The following SORCS1 variants were observed in gnomAD, a reference collection of about 807,000 sequenced individuals.
SORCS1 encodes sortilin related VPS10 domain containing receptor 1, also known as VPS10 domain-containing receptor SorCS1.
SORCS1 carries 60 observed loss-of-function variants against 146.1 expected under a neutral mutation model. The ratio of observed to expected loss-of-function variants is 0.41; its 90% confidence interval spans 0.33 to 0.51. SORCS1 has a LOEUF of 0.51. SORCS1 is among the 20% of genes least tolerant of loss of function. The pLI, the probability that SORCS1 is intolerant of heterozygous loss-of-function variation, is 0.21. For missense variants in SORCS1, 1,352 were observed against 1,487.6 expected (o/e 0.91, Z 1.50); for synonymous variants, 637 against 584.0 (o/e 1.09, Z -1.31).
At chr10:106,854,192 A>T (rs571112976) in intron 2 of SORCS1, among the ~76,000 whole-genome samples, 1 of 152,126 alleles carries the variant, frequency 6.6e-6, no homozygotes, top group East Asian at 1.9e-4. Context: ...CCCCTTTATC[A>T]TTATGTAATG....
At chr10:106,738,007 G>A (rs573551935) in intron 5 of SORCS1, among the ~76,000 whole-genome samples, 2 of 152,008 alleles carry the variant, frequency 1.3e-5, no homozygotes, top group Non-Finnish European at 2.9e-5. Context: ...AAAAATTAAT[G>A]AGATAAATCT....
intron 24 of SORCS1, among the ~76,000 whole-genome samples, chr10:106,582,748 T>C (rs1844996929): frequency 6.6e-6 from 1 of 152,222 alleles, no homozygotes; most frequent in African/African-American, 2.4e-5. Flanking sequence ...GTACTCCAAG[T>C]GACTCAACAT....
chr10:106,632,032 C>T (rs1442996970), intron 18 of SORCS1, among the ~76,000 whole-genome samples: 1 of 152,132 alleles, frequency 6.6e-6, no homozygotes, highest in Non-Finnish European at 1.5e-5. Flanking sequence ...GTTTCCATTT[C>T]AGAGTCAGGT....
intron 1 of SORCS1, among the ~76,000 whole-genome samples, chr10:107,129,183 A>C (rs1966844966): frequency 6.6e-6 from 1 of 152,234 alleles, no homozygotes; most frequent in African/African-American, 2.4e-5. Context: ...CATGCATGAT[A>C]ATAGCTGTCT....
chr10:107,019,321 C>T (rs1203810188), intron 1 of SORCS1, among the ~76,000 whole-genome samples: 2 of 152,164 alleles, frequency 1.3e-5, no homozygotes, highest in Non-Finnish European at 2.9e-5. Flanking sequence ...CTGATGACAA[C>T]AGCTGAGTAA....
chr10:106,844,533 T>C (rs1949221594), intron 2 of SORCS1, among the ~76,000 whole-genome samples: 1 of 151,946 alleles, frequency 6.6e-6, no homozygotes, highest in Non-Finnish European at 1.5e-5. Flanking sequence ...CAGGTGAATG[T>C]CCAGTTTCTC....
chr10:107,175,770 T>C, the SORCS1 span, among the ~76,000 whole-genome samples: 1 of 152,188 alleles, frequency 6.6e-6, no homozygotes, highest in African/African-American at 2.4e-5. Context: ...TTTGGTACAT[T>C]GTGTTTTTCA....
chr10:106,709,386 A>T lies in SORCS1; in HGVS notation c.1025-45T>A, dbSNP rs749399234. The T allele has an allele frequency of 3.4e-5, 41 of 1,198,762 alleles. No individual in the cohort carries two copies. The South Asian group carries it at 4.6e-4, about 13-fold the overall frequency. 74.3% of individuals were successfully genotyped at this position (1,198,762 alleles called of 1,614,324 possible). A position where few individuals can be genotyped will look rare whatever the true frequency, so the allele number is the denominator to read the frequency against. On this transcript the variant is annotated intron_variant, in intron 6 of 25. Coordinates refer to ENST00000263054, the MANE Select transcript of SORCS1 (RefSeq NM_052918.5). ...ACAAAAACATGGGGTTGAGGGGGATATACAGACAGAGATTTACAGTCAGGG... is the reference window on the plus strand; with the variant it reads ...ACAAAAACATGGGGTTGAGGGGGATTTACAGACAGAGATTTACAGTCAGGG...
intron 1 of SORCS1, 31 bp from the exon 2 acceptor site, chr10:106,956,611 C>G (rs1490659650): frequency 1.9e-6 from 3 of 1,595,876 alleles, no homozygotes; most frequent in Non-Finnish European, 2.6e-6. Context: ...CATGGTTAGT[C>G]TCAAACAATT....
At chr10:106,830,835 G>A (rs1948511459) in intron 2 of SORCS1, among the ~76,000 whole-genome samples, 2 of 151,928 alleles carry the variant, frequency 1.3e-5, no homozygotes, top group African/African-American at 2.4e-5. Context: ...GGCAGAGACT[G>A]TAGTGAGCCG....
intron 8 of SORCS1, among the ~76,000 whole-genome samples, chr10:106,705,982 G>C (rs540266050): frequency 6.6e-6 from 1 of 152,164 alleles, no homozygotes; most frequent in Non-Finnish European, 1.5e-5. Context: ...CTGGTGCCAC[G>C]TCACGGCATC....
At chr10:106,763,072 G>T (rs1859268004) in intron 4 of SORCS1, among the ~76,000 whole-genome samples, 1 of 152,082 alleles carries the variant, frequency 6.6e-6, no homozygotes, top group Non-Finnish European at 1.5e-5. Context: ...GTGTGCCTAT[G>T]TCATATAGAT....
At position 106,714,135 on chromosome 10, in the gene SORCS1, CAAAAAAAAAAAAAAAAAA is replaced by C. The variant is rs56275056; in HGVS notation, c.1025-4812_1025-4795del. On this transcript the variant is annotated intron_variant, in intron 6 of 25. Transcript: ENST00000263054. ...TGGCAACAACAGTGAAACTCTGCCT[CAAAAAAAAAAAAAAAAAA>C]AAAAAAAAAAGATACCCTTTGACCT... Among the ~76,000 whole-genome samples, 8 of 53,086 alleles carry C rather than the reference CAAAAAAAAAAAAAAAAAA, an allele frequency of 1.5e-4. 1 individual carries two copies. In the Admixed American group the frequency reaches 1.5e-3, roughly 10 times the overall value. 34.8% of individuals were successfully genotyped at this position (53,086 alleles called of 152,430 possible).
chr10:106,910,727 T>C (rs1202482651), intron 2 of SORCS1, among the ~76,000 whole-genome samples: 1 of 152,196 alleles, frequency 6.6e-6, no homozygotes, highest in African/African-American at 2.4e-5. Flanking sequence ...GTATTGCCCA[T>C]CCATGGTCCT....
intron 2 of SORCS1, among the ~76,000 whole-genome samples, chr10:106,843,086 C>T (rs944102243): frequency 2.0e-5 from 3 of 152,180 alleles, no homozygotes; most frequent in African/African-American, 4.8e-5. Context: ...TTACCTCAAA[C>T]ATTAACTGTC....
At chr10:106,818,753 G>A (rs1010823513) in intron 3 of SORCS1, among the ~76,000 whole-genome samples, 12 of 152,258 alleles carry the variant, frequency 7.9e-5, no homozygotes, top group African/African-American at 2.2e-4. Context: ...TGAAAACTAC[G>A]TCAAGATATG....
chr10:106,634,234 C>T (rs1469153692), intron 18 of SORCS1, among the ~76,000 whole-genome samples: 3 of 152,126 alleles, frequency 2.0e-5, no homozygotes, highest in East Asian at 1.9e-4. Context: ...GTGTCAACTC[C>T]GGCGGGGCTA....
rs568986804 is a variant in SORCS1 at position 107,018,942 on chromosome 10, T to C, written c.559-62362A>G. ...TTGGTGGAAGCAACACTAAACCAAATAACTTGAAGTTCCAGCTTCTAGGCT... is the reference window on the plus strand; with the variant it reads ...TTGGTGGAAGCAACACTAAACCAAACAACTTGAAGTTCCAGCTTCTAGGCT... On this transcript the variant is annotated intron_variant, in intron 1 of 25. Coordinates refer to ENST00000263054, the MANE Select transcript of SORCS1 (RefSeq NM_052918.5). Among the ~76,000 whole-genome samples, 98 of 152,368 alleles carry C rather than the reference T, an allele frequency of 6.4e-4. 3 individuals carry two copies. The South Asian group carries it at 0.019, about 30-fold the overall frequency.
intron 1 of SORCS1, among the ~76,000 whole-genome samples, chr10:107,057,620 T>C (rs1475003386): frequency 6.6e-6 from 1 of 152,202 alleles, no homozygotes; most frequent in African/African-American, 2.4e-5. Flanking sequence ...TCTCTCCTTT[T>C]CTCTCCCTCT....
Sources: gnomAD v4.1 joint callset for allele counts (sites outside exome capture counted in the v4.1 genomes callset) on GRCh38, gnomAD v4.1.1 for gene constraint, MANE v1.5 for transcripts, NCBI Gene and HGNC (gene_info 2026-07-23, HGNC 2026-07-21) for gene names.